Variants in DPP10 observed in about 807,000 individuals in gnomAD.
DPP10 encodes the protein dipeptidyl peptidase like 10, also known as inactive dipeptidyl peptidase 10.
A neutral mutation model predicts 120.9 loss-of-function variants in DPP10; 33 were observed. The ratio of observed to expected loss-of-function variants is 0.27; its 90% CI spans 0.21 to 0.37. DPP10 has a LOEUF of 0.37. Among genes scored for constraint, DPP10 ranks in the 10% least tolerant of loss-of-function variants. DPP10 has a pLI of 1.00. For missense variants in DPP10, 816 were observed against 942.8 expected (o/e 0.87, Z 1.76); for synonymous variants, 337 against 326.1 (o/e 1.03, Z -0.36).
chr2:114,443,729 G>T (rs1345377188), intron 1 of DPP10, among the ~76,000 whole-genome samples: 1 of 149,864 alleles, frequency 6.7e-6, no homozygotes, highest in South Asian at 2.1e-4. Context: ...AACAAAAAAC[G>T]TGATATCCTG....
chr2:114,559,514 C>A (rs962263306), intron 1 of DPP10, among the ~76,000 whole-genome samples: 1 of 152,142 alleles, frequency 6.6e-6, no homozygotes, highest in Non-Finnish European at 1.5e-5. Flanking sequence ...ACATTTGTGG[C>A]ATTTTAAGCA....
At chr2:114,587,693 A>G (rs1691119206) in intron 1 of DPP10, among the ~76,000 whole-genome samples, 1 of 152,232 alleles carries the variant, frequency 6.6e-6, no homozygotes, top group Non-Finnish European at 1.5e-5. Flanking sequence ...TTTAAAATAG[A>G]GCAATAAAGC....
In DPP10 at chr2:114,731,405, T is replaced by C. The variant is rs1676901030; in HGVS notation, c.60+288567T>C. On this transcript the variant is annotated intron_variant, in intron 1 of 25. Coordinates refer to ENST00000410059, the MANE Select transcript of DPP10 (RefSeq NM_020868.6). ...TTTCTTTTAATTTGGTTTCAAGGTC[T>C]CTCTCAGGAGAGCAGCTGTAAACTC... Among the ~76,000 whole-genome samples the C allele has an allele frequency of 3.3e-5, 5 of 152,294 alleles. No homozygotes were observed. In the South Asian group the frequency reaches 8.3e-4, roughly 25 times the overall value.
At chr2:115,817,226 G>A (rs1246451501) in intron 21 of DPP10, among the ~76,000 whole-genome samples, 10 of 147,316 alleles carry the variant, frequency 6.8e-5, no homozygotes, top group Non-Finnish European at 1.2e-4. Context: ...CAGCCTGGGC[G>A]ACAGAGCGAG....
At chr2:115,622,683 G>A (rs2149287105) in intron 5 of DPP10, among the ~76,000 whole-genome samples, 1 of 151,422 alleles carries the variant, frequency 6.6e-6, no homozygotes, top group Admixed American at 6.6e-5. Flanking sequence ...CAATATCTGA[G>A]GATCCCAATT....
chr2:114,679,206 G>T lies in DPP10; in HGVS notation c.60+236368G>T, dbSNP rs192021915. 2.6e-5 allele frequency among the ~76,000 whole-genome samples: 4 copies of T among 152,070 alleles called. No homozygotes were observed. In the East Asian group the frequency reaches 7.8e-4, roughly 29 times the overall value. ...CAAGATTTCAAAATTTTATTTTTGTGGGGTAGAGAGTGAAATACAGAGAGG... is the reference window on the plus strand; with the variant it reads ...CAAGATTTCAAAATTTTATTTTTGTTGGGTAGAGAGTGAAATACAGAGAGG... On this transcript the variant is annotated intron_variant, in intron 1 of 25. Transcript: ENST00000410059.
chr2:115,519,796 C>A (rs892848144), intron 4 of DPP10, among the ~76,000 whole-genome samples: 1 of 152,152 alleles, frequency 6.6e-6, no homozygotes, highest in Non-Finnish European at 1.5e-5. Flanking sequence ...TTCTCCTCCA[C>A]TTATGGTCCA....
At chr2:114,697,103 A>G (rs1051670486) in intron 1 of DPP10, among the ~76,000 whole-genome samples, 4 of 152,066 alleles carry the variant, frequency 2.6e-5, no homozygotes, top group Non-Finnish European at 4.4e-5. Flanking sequence ...GATAATGTGT[A>G]AGGTCCTTCA....
chr2:115,490,927 G>C (rs2076079974), intron 3 of DPP10, among the ~76,000 whole-genome samples: 1 of 152,140 alleles, frequency 6.6e-6, no homozygotes, highest in Non-Finnish European at 1.5e-5. Flanking sequence ...AGACCAGCCT[G>C]GCCAACATGG....
intron 19 of DPP10, among the ~76,000 whole-genome samples, chr2:115,814,004 G>C (rs879626646): frequency 1.3e-5 from 2 of 152,160 alleles, no homozygotes; most frequent in African/African-American, 2.4e-5. Flanking sequence ...GATTGTTTCA[G>C]AGTCTGATTT....
intron 5 of DPP10, among the ~76,000 whole-genome samples, chr2:115,602,205 C>T (rs1369961879): frequency 6.6e-6 from 1 of 152,140 alleles, no homozygotes; most frequent in Non-Finnish European, 1.5e-5. Flanking sequence ...CTCATGATCA[C>T]CTTCACCTGG....
At chr2:114,925,236 G>A (rs1415666755) in intron 1 of DPP10, among the ~76,000 whole-genome samples, 2 of 140,506 alleles carry the variant, frequency 1.4e-5, no homozygotes, top group Non-Finnish European at 3.1e-5. Context: ...AAAAAAATCA[G>A]TCAGGTAGTG....
chr2:115,789,605 A>G (rs114881932), intron 17 of DPP10, among the ~76,000 whole-genome samples: 4,608 of 152,296 alleles, frequency 0.03, 143 homozygotes, highest in South Asian at 0.1. Flanking sequence ...ACATTGTGGT[A>G]GAGGACTTAG....
intron 1 of DPP10, among the ~76,000 whole-genome samples, chr2:114,645,705 C>T (rs1373276546): frequency 6.6e-6 from 1 of 152,184 alleles, no homozygotes; most frequent in Non-Finnish European, 1.5e-5. Flanking sequence ...GCTGCTTACA[C>T]ACCAGCCTTC....
intron 5 of DPP10, among the ~76,000 whole-genome samples, chr2:115,669,191 G>A (rs2089683520): frequency 6.6e-6 from 1 of 152,086 alleles, no homozygotes; most frequent in South Asian, 2.1e-4. Flanking sequence ...AGCAAAAGGT[G>A]TACATTTGGT....
At chr2:114,515,769 G>T (rs1033571001) in intron 1 of DPP10, among the ~76,000 whole-genome samples, 4 of 149,544 alleles carry the variant, frequency 2.7e-5, no homozygotes, top group Admixed American at 2.7e-4. Flanking sequence ...ATTTAATTTT[G>T]ATCCACAATT....
At chr2:115,354,079 A>C (rs1398027828) in intron 3 of DPP10, among the ~76,000 whole-genome samples, 1 of 152,174 alleles carries the variant, frequency 6.6e-6, no homozygotes, top group Admixed American at 6.6e-5. Context: ...TACATGTAAA[A>C]AAAGAAGTCA....
At chr2:115,789,708 A>C (rs2149904356) in intron 17 of DPP10, among the ~76,000 whole-genome samples, 1 of 152,374 alleles carries the variant, frequency 6.6e-6, no homozygotes, top group African/African-American at 2.4e-5. Flanking sequence ...GGAAGGAAAC[A>C]AAAAATTGTG....
At chr2:114,589,038 G>GGC (rs1558910137) in intron 1 of DPP10, among the ~76,000 whole-genome samples, 1 of 109,880 alleles carries the variant, frequency 9.1e-6, no homozygotes, top group Admixed American at 8.9e-5. Flanking sequence ...AGGTTTTTTT[G>GGC]GGGGGGGGGG....
Sources: allele counts gnomAD v4.1 joint callset (sites outside exome capture counted in the v4.1 genomes callset), GRCh38; gene constraint gnomAD v4.1.1; transcripts MANE v1.5; gene names NCBI Gene and HGNC (gene_info 2026-07-23, HGNC 2026-07-21).